SUPT3H: variants seen among roughly 807,000 people sequenced by gnomAD.
The protein encoded by SUPT3H is SPT3 homolog, SAGA and STAGA complex component.
Under a neutral mutation model 44.3 loss-of-function variants are expected in SUPT3H, and 44 were observed. The ratio of observed to expected loss-of-function variants is 0.99; its 90% CI spans 0.78 to 1.28. The LOEUF (loss-of-function observed/expected upper bound fraction) is 1.28. SUPT3H is among the 50% of genes most tolerant of loss of function. The probability of loss-of-function intolerance (pLI) is 0.00; values close to 1 mark genes in which losing one functional copy is unlikely to be tolerated. For missense variants in SUPT3H, 380 were observed against 387.1 expected, an observed-to-expected ratio of 0.98 and a Z score of 0.15; for synonymous variants, 124 against 125.6, an observed-to-expected ratio of 0.99 and a Z score of 0.09.
intron 2 of SUPT3H, among the ~76,000 whole-genome samples, chr6:45,170,025 T>C (rs1810517163): frequency 6.6e-6 from 1 of 152,180 alleles, no homozygotes; most frequent in Non-Finnish European, 1.5e-5. Flanking sequence ...GTCAGACTCC[T>C]GGAGCTTGCC....
chr6:45,214,007 T>G (rs1364426585), intron 2 of SUPT3H, among the ~76,000 whole-genome samples: 2 of 53,702 alleles, frequency 3.7e-5, no homozygotes, highest in African/African-American at 1.2e-4. Context: ...TTTTGAGATT[T>G]TGAAATGCAA....
chr6:44,860,526 G>T (rs1251886390), intron 10 of SUPT3H, among the ~76,000 whole-genome samples: 4 of 152,140 alleles, frequency 2.6e-5, no homozygotes, highest in Admixed American at 6.5e-5. Flanking sequence ...GTTAATGGCC[G>T]GACTGGGAGT....
At chr6:44,838,181 C>T (rs1214282897) in intron 10 of SUPT3H, among the ~76,000 whole-genome samples, 2 of 152,144 alleles carry the variant, frequency 1.3e-5, no homozygotes, top group African/African-American at 4.8e-5. Context: ...TATATTTTTA[C>T]ACTTGATTTT....
rs375439484 is a variant in SUPT3H at position 45,016,070 on chromosome 6, T to A, written c.274-1179A>T. 8.5e-5 allele frequency among the ~76,000 whole-genome samples: 13 copies of A among 152,264 alleles called. 1 individual carries two copies. In the South Asian group the frequency reaches 2.7e-3, roughly 32 times the overall value. ...ATAAACAAGTAACAATCATTTATTATCTTTATCAAGTATTATGTACTATAC... is the reference window on the plus strand; with the variant it reads ...ATAAACAAGTAACAATCATTTATTAACTTTATCAAGTATTATGTACTATAC... On this transcript the variant is annotated intron_variant, in intron 4 of 10. Coordinates refer to ENST00000371459, the MANE Select transcript of SUPT3H (RefSeq NM_003599.4).
chr6:45,022,771 T>A (rs1404184731), intron 3 of SUPT3H, among the ~76,000 whole-genome samples: 2 of 152,008 alleles, frequency 1.3e-5, no homozygotes, highest in Non-Finnish European at 2.9e-5. Flanking sequence ...TATTAGCTAA[T>A]TAAAGTAACT....
At chr6:45,063,778 G>C (rs879725728) in intron 3 of SUPT3H, among the ~76,000 whole-genome samples, 4 of 142,010 alleles carry the variant, frequency 2.8e-5, no homozygotes, top group Admixed American at 1.5e-4. Flanking sequence ...AAAAAGAAAT[G>C]AGCAAAGCCT....
At chr6:45,307,174 T>C (rs1584829822) in intron 2 of SUPT3H, among the ~76,000 whole-genome samples, 1 of 152,330 alleles carries the variant, frequency 6.6e-6, no homozygotes, top group East Asian at 1.9e-4. Context: ...CCTGCCTCTG[T>C]AGACTCCACC....
chr6:45,344,020 C>T (rs1403965419), intron 2 of SUPT3H, among the ~76,000 whole-genome samples: 1 of 152,028 alleles, frequency 6.6e-6, no homozygotes, highest in Non-Finnish European at 1.5e-5. Context: ...TTTTTCCTCT[C>T]CATGACTACT....
At chr6:45,099,057 C>T in intron 3 of SUPT3H, 1 of 381,894 alleles carries the variant, frequency 2.6e-6, no homozygotes, top group Non-Finnish European at 5.2e-6. Flanking sequence ...CTACTTCAAC[C>T]TGCCCCAACA....
intron 11 of SUPT3H, among the ~76,000 whole-genome samples, chr6:44,819,861 A>AT (rs1184144069): frequency 6.6e-6 from 1 of 152,196 alleles, no homozygotes; most frequent in Non-Finnish European, 1.5e-5. Flanking sequence ...ATAATACATG[A>AT]TTTTTTAAAT....
rs919767581 is a variant in SUPT3H, at chr6:44,827,413, G to A, written c.*2403C>T. Among the ~76,000 whole-genome samples, 1 of 151,928 alleles carries A rather than the reference G, an allele frequency of 6.6e-6. No homozygotes were observed. Among genetic ancestry groups the A allele is most frequent in the African/African-American group, 2.4e-5 (1 of 41,376 alleles). ...ATGGTAGAAAATACTGTATAATACC[G>A]ACTGAAAATTAGGGACCATCGATTC... On this transcript the variant is annotated 3_prime_UTR_variant, in exon 11 of 11. Transcript: ENST00000371459.
chr6:45,047,762 G>A (rs1016106953), intron 3 of SUPT3H, among the ~76,000 whole-genome samples: 41 of 152,024 alleles, frequency 2.7e-4, no homozygotes, highest in African/African-American at 9.6e-4. Context: ...CTTCATATCT[G>A]TCATCTTTTT....
chr6:45,292,354 C>T lies in SUPT3H; in HGVS notation c.101+72847G>A, dbSNP rs78803185. On this transcript the variant is annotated intron_variant, in intron 2 of 10. Transcript: ENST00000371459. ...GAACCACTTTAAAGCATAAATCTCACAGGACCTATAAAACAAAAATACAAT... is the reference window on the plus strand; with the variant it reads ...GAACCACTTTAAAGCATAAATCTCATAGGACCTATAAAACAAAAATACAAT... 3.9e-3 allele frequency among the ~76,000 whole-genome samples: 594 copies of T among 152,160 alleles called. 6 individuals carry two copies. Among genetic ancestry groups the T allele is most frequent in the African/African-American group, 0.014 (566 of 41,528 alleles).
At chr6:45,253,872 T>TATATATATATATATATATATAC (rs1491408260) in intron 2 of SUPT3H, among the ~76,000 whole-genome samples, 34 of 124,064 alleles carry the variant, frequency 2.7e-4, no homozygotes, top group East Asian at 4.8e-4. Context: ...TATATATATA[T>TATATATATATATATATATATAC]ACACACACAC....
chr6:44,933,747 G>A (rs576367726), intron 9 of SUPT3H, among the ~76,000 whole-genome samples: 6 of 152,288 alleles, frequency 3.9e-5, no homozygotes, highest in East Asian at 1.9e-4. Context: ...GGGCTCAAGC[G>A]ATCCTCTGGC....
intron 2 of SUPT3H, among the ~76,000 whole-genome samples, chr6:45,108,189 T>C (rs1315596057): frequency 6.6e-6 from 1 of 152,120 alleles, no homozygotes; most frequent in Non-Finnish European, 1.5e-5. Flanking sequence ...GAAAAAGAAA[T>C]AGGCCAGGCA....
chr6:44,827,192 G>A lies in SUPT3H; in HGVS notation c.*2624C>T, dbSNP rs187027689. Among the ~76,000 whole-genome samples, 2 of 152,114 alleles carry A rather than the reference G, an allele frequency of 1.3e-5. No individual in the cohort carries two copies. The highest frequency in any genetic ancestry group is 2.9e-5 in the Non-Finnish European group (2 of 67,988). On this transcript the variant is annotated 3_prime_UTR_variant, in exon 11 of 11. Transcript: ENST00000371459. The stretch of plus-strand genomic sequence containing the variant: ...GCTTTGTATATTTCCATTTGACTTA[G>A]AGTTAAGCCTGATGTGTAAGATAAC...
Position 44,990,599 on chromosome 6 carries a change from T to C in SUPT3H, c.504+13054A>G, listed in dbSNP as rs1020816526. 9.2e-5 allele frequency among the ~76,000 whole-genome samples: 14 copies of C among 152,210 alleles called. No individual in the cohort carries two copies. In the East Asian group the frequency reaches 9.7e-4, roughly 11 times the overall value. On this transcript the variant is annotated intron_variant, in intron 6 of 10. Transcript: ENST00000371459. ...GGAAATGGGGCCTGGTTGGGGGTGA[T>C]TGGATCATGGGGGCAAGCCCATCAT... is the stretch of plus-strand genomic sequence containing the variant.
intron 2 of SUPT3H, among the ~76,000 whole-genome samples, chr6:45,181,691 G>T (rs1813231668): frequency 7.2e-6 from 1 of 138,798 alleles, no homozygotes; most frequent in Admixed American, 7.7e-5. Context: ...ACAGGAAGGG[G>T]AACATCACAC....
Sources: allele counts gnomAD v4.1 joint callset (sites outside exome capture counted in the v4.1 genomes callset), GRCh38; gene constraint gnomAD v4.1.1; transcripts MANE v1.5; gene names NCBI Gene and HGNC (gene_info 2026-07-23, HGNC 2026-07-21).